HTT: variants seen among roughly 807,000 people sequenced by gnomAD.
HTT encodes the protein huntingtin.
A neutral mutation model predicts 362.3 loss-of-function variants in HTT; 104 were observed. The ratio of observed to expected loss-of-function variants is 0.29; its 90% CI spans 0.24 to 0.34. The LOEUF (loss-of-function observed/expected upper bound fraction) is 0.34. HTT is among the 10% of genes least tolerant of loss of function. The pLI is 1.00. For synonymous variants in HTT, 1,577 were observed against 1,548.7 expected (o/e 1.02, Z -0.43); for missense variants, 3,301 against 3,928.6 (o/e 0.84, Z 4.27).
intron 13 of HTT, 127 bp from the exon 14 acceptor site, chr4:3,130,178 C>A: frequency 9.2e-7 from 1 of 1,084,066 alleles, no homozygotes; most frequent in Non-Finnish European, 1.3e-6. Flanking sequence ...ATGAAAATGA[C>A]CAATTGAGGA....
At chr4:3,151,545 A>G (rs907166588) in intron 26 of HTT, among the ~76,000 whole-genome samples, 7 of 152,158 alleles carry the variant, frequency 4.6e-5, no homozygotes, top group African/African-American at 1.2e-4. Context: ...GGAGATTACA[A>G]TTCAGCATGA....
intron 1 of HTT, among the ~76,000 whole-genome samples, chr4:3,082,188 T>C (rs1712948417): frequency 6.6e-6 from 1 of 152,252 alleles, no homozygotes; most frequent in African/African-American, 2.4e-5. Context: ...TTAATTGCTA[T>C]GTAATATTTT....
chr4:3,220,049 A>C (rs1379531165), intron 52 of HTT, 133 bp from the exon 53 acceptor site: 4 of 912,618 alleles, frequency 4.4e-6, no homozygotes, highest in Non-Finnish European at 6.8e-6. Context: ...CTGGGGGAGA[A>C]GGTGCCAGCT....
At chr4:3,212,220 C>A in intron 48 of HTT, 78 bp downstream of exon 48, 1 of 1,103,016 alleles carries the variant, frequency 9.1e-7, no homozygotes, top group Non-Finnish European at 1.3e-6. Context: ...AGTAAATGTA[C>A]AATAAAGGCA....
intron 59 of HTT, among the ~76,000 whole-genome samples, chr4:3,229,610 A>C (rs1560604371): frequency 1.3e-5 from 2 of 150,128 alleles, no homozygotes. Context: ...CCACACACAC[A>C]CCACTTGCAC....
At chr4:3,195,782 C>T (rs1719222823) in intron 40 of HTT, among the ~76,000 whole-genome samples, 1 of 152,126 alleles carries the variant, frequency 6.6e-6, no homozygotes, top group Non-Finnish European at 1.5e-5. Flanking sequence ...AATTCGGGGA[C>T]CCAGGCTCCT....
chr4:3,115,519 G>C (rs1578510587), intron 7 of HTT, 74 bp downstream of exon 7: 2 of 1,231,652 alleles, frequency 1.6e-6, no homozygotes, highest in East Asian at 4.7e-5. Context: ...AATAAAACCA[G>C]ATGATCCCTC....
intron 52 of HTT, among the ~76,000 whole-genome samples, chr4:3,219,141 A>G (rs1399237369): frequency 6.6e-6 from 1 of 152,122 alleles, no homozygotes; most frequent in Non-Finnish European, 1.5e-5. Context: ...CTTTCCTGGG[A>G]AGAGAGCAGC....
intron 27 of HTT, among the ~76,000 whole-genome samples, chr4:3,154,732 T>C (rs899695881): frequency 6.6e-6 from 1 of 152,246 alleles, no homozygotes; most frequent in African/African-American, 2.4e-5. Context: ...AGAGGCCTCC[T>C]GATTTTCAGT....
chr4:3,094,567 C>G (rs1274729617), intron 2 of HTT, among the ~76,000 whole-genome samples: 1 of 137,142 alleles, frequency 7.3e-6, no homozygotes, highest in Admixed American at 7.1e-5. Context: ...CCGGACGGGG[C>G]GGGTGGCCGG....
At chr4:3,118,555 C>T (rs558197910) in intron 8 of HTT, among the ~76,000 whole-genome samples, 1 of 152,108 alleles carries the variant, frequency 6.6e-6, no homozygotes, top group East Asian at 1.9e-4. Context: ...TCACAGCACA[C>T]GAGTGTGGGT....
chr4:3,134,952 G>A (rs894312569), intron 19 of HTT, among the ~76,000 whole-genome samples: 1 of 123,546 alleles, frequency 8.1e-6, no homozygotes, highest in East Asian at 2.2e-4. Flanking sequence ...CAAACTCCTG[G>A]GCTTGATTGA....
At chr4:3,200,166 C>A (rs769834487) in intron 41 of HTT, among the ~76,000 whole-genome samples, 1 of 152,156 alleles carries the variant, frequency 6.6e-6, no homozygotes, top group Non-Finnish European at 1.5e-5. Flanking sequence ...TTTCTAAATG[C>A]GATTTTCTTT....
chr4:3,193,470 A>G (rs1560587803), intron 40 of HTT, among the ~76,000 whole-genome samples: 1 of 152,236 alleles, frequency 6.6e-6, no homozygotes, highest in Non-Finnish European at 1.5e-5. Flanking sequence ...TCTAAGGACT[A>G]GTCTTGCCTT....
chr4:3,169,058 G>A (rs1362690769), intron 29 of HTT, among the ~76,000 whole-genome samples: 6 of 138,228 alleles, frequency 4.3e-5, no homozygotes, highest in East Asian at 2.0e-4. Context: ...TCGCTCTGTC[G>A]CCTGCGTTGG....
intron 14 of HTT, among the ~76,000 whole-genome samples, chr4:3,131,021 CCTT>C (rs1715785743): frequency 6.6e-6 from 1 of 152,026 alleles, no homozygotes. Flanking sequence ...GTGTCAACTG[CCTT>C]CTTACCACGC....
intron 38 of HTT, 45 bp from the exon 39 acceptor site, chr4:3,187,606 T>A: frequency 7.0e-7 from 1 of 1,425,336 alleles, no homozygotes; most frequent in Non-Finnish European, 9.8e-7. Context: ...AAATTTAATC[T>A]TCCTTTTTTC....
At chr4:3,121,940 C>G (rs1715315531) in intron 9 of HTT, among the ~76,000 whole-genome samples, 1 of 152,164 alleles carries the variant, frequency 6.6e-6, no homozygotes, top group African/African-American at 2.4e-5. Flanking sequence ...ATTTAAAGCC[C>G]CTCCTCCTGA....
In HTT at chr4:3,239,918, A is replaced by T. The variant is rs772726436; in HGVS notation, c.9288A>T (p.Thr3096=). Residue 3096 remains threonine (T), a synonymous_variant, in exon 67 of 67, where the codon ACA becomes ACT. Coordinates refer to ENST00000355072, the MANE Select transcript of HTT (RefSeq NM_001388492.1). ...VDVNLFCLVA[T]DFYRHQIEEE... ...TGAACCTTTTCTGCCTGGTCGCCACAGACTTCTACAGACACCAGATAGAGG... is the reference window on the plus strand; with the variant it reads ...TGAACCTTTTCTGCCTGGTCGCCACTGACTTCTACAGACACCAGATAGAGG... 1.3e-5 allele frequency: 20 copies of T among 1,577,184 alleles called. No homozygotes were observed. Among genetic ancestry groups the T allele is most frequent in the Non-Finnish European group, 1.6e-5 (19 of 1,160,330 alleles).
Sources: gnomAD v4.1 joint callset for allele counts (sites outside exome capture counted in the v4.1 genomes callset) on GRCh38, gnomAD v4.1.1 for gene constraint, MANE v1.5 for transcripts, NCBI Gene and HGNC (gene_info 2026-07-23, HGNC 2026-07-21) for gene names.